Variants in CCDC102B observed in about 807,000 individuals in gnomAD.
CCDC102B encodes the protein coiled-coil domain-containing protein 102B.
Under a neutral mutation model 57.4 loss-of-function variants are expected in CCDC102B, and 75 were observed. That is an observed-to-expected ratio of 1.31 (90% CI 1.08 to 1.58). The LOEUF is 1.58. Ranked by LOEUF, CCDC102B falls within the 40% of genes most tolerant of loss-of-function variation. CCDC102B has a pLI of 0.00. For missense variants in CCDC102B, 636 were observed against 582.6 expected, an observed-to-expected ratio of 1.09 and a Z score of -0.94; for synonymous variants, 206 against 201.9, an observed-to-expected ratio of 1.02 and a Z score of -0.17.
At chr18:68,944,872 C>T (rs978684484) in intron 6 of CCDC102B, among the ~76,000 whole-genome samples, 24 of 152,034 alleles carry the variant, frequency 1.6e-4, no homozygotes, top group African/African-American at 5.8e-4. Context: ...TAAAATAGAA[C>T]AACATTCTTG....
chr18:68,735,182 A>G (rs1039313152), intron 2 of CCDC102B, among the ~76,000 whole-genome samples: 6 of 151,540 alleles, frequency 4.0e-5, no homozygotes, highest in Admixed American at 3.3e-4. Flanking sequence ...CTCCTGAGTA[A>G]CTGAGACTAC....
chr18:68,848,871 A>C (rs2037992812), intron 4 of CCDC102B, among the ~76,000 whole-genome samples: 1 of 152,114 alleles, frequency 6.6e-6, no homozygotes. Flanking sequence ...TCTTTGCCAC[A>C]TGTGAGAATA....
chr18:68,983,738 T>G (rs2050654342), intron 6 of CCDC102B, among the ~76,000 whole-genome samples: 3 of 152,102 alleles, frequency 2.0e-5, no homozygotes, highest in Admixed American at 2.0e-4. Flanking sequence ...TCACTGTATT[T>G]TTTAGCTTTG....
intron 1 of CCDC102B, among the ~76,000 whole-genome samples, chr18:68,821,691 G>A (rs914584016): frequency 1.3e-5 from 2 of 151,244 alleles, no homozygotes; most frequent in Non-Finnish European, 2.9e-5. Context: ...ATAAATATAT[G>A]TGTGTATATA....
chr18:69,033,408 C>CA (rs998120776), intron 7 of CCDC102B, among the ~76,000 whole-genome samples: 13 of 152,096 alleles, frequency 8.5e-5, no homozygotes, highest in African/African-American at 2.9e-4. Flanking sequence ...GTCATCATCT[C>CA]AAAAAGGAAA....
chr18:68,975,491 C>G (rs1489180304), intron 6 of CCDC102B, among the ~76,000 whole-genome samples: 1 of 151,910 alleles, frequency 6.6e-6, no homozygotes, highest in African/African-American at 2.4e-5. Context: ...AATCATGTCT[C>G]CAATGATTGT....
At chr18:68,944,403 C>T (rs766773502) in intron 6 of CCDC102B, among the ~76,000 whole-genome samples, 13 of 150,564 alleles carry the variant, frequency 8.6e-5, no homozygotes, top group Non-Finnish European at 1.6e-4. Context: ...ATATTTCTCA[C>T]GTTTCCAGAG....
intron 4 of CCDC102B, among the ~76,000 whole-genome samples, chr18:68,854,739 G>A (rs1168453707): frequency 6.6e-6 from 1 of 152,100 alleles, no homozygotes; most frequent in Non-Finnish European, 1.5e-5. Flanking sequence ...CTGACTCTTA[G>A]TAAGAAGTGA....
chr18:68,841,498 G>A (rs2144801353), intron 3 of CCDC102B, among the ~76,000 whole-genome samples: 1 of 152,262 alleles, frequency 6.6e-6, no homozygotes, highest in South Asian at 2.1e-4. Flanking sequence ...GTAAGGCCAG[G>A]AAAGCTGATC....
chr18:68,729,857 T>C (rs549562591), intron 2 of CCDC102B, among the ~76,000 whole-genome samples: 18 of 152,302 alleles, frequency 1.2e-4, no homozygotes, highest in Middle Eastern at 3.4e-3. Flanking sequence ...GGAATTGTTA[T>C]GTGCAACTAA....
At chr18:68,912,326 CA>C (rs1192119145) in intron 6 of CCDC102B, among the ~76,000 whole-genome samples, 13 of 152,278 alleles carry the variant, frequency 8.5e-5, no homozygotes, top group African/African-American at 3.1e-4. Flanking sequence ...TAAAGAAAAA[CA>C]TACATTAAAA....
chr18:68,986,536 T>C (rs572366351), intron 6 of CCDC102B, among the ~76,000 whole-genome samples: 27 of 152,048 alleles, frequency 1.8e-4, no homozygotes, highest in Non-Finnish European at 3.2e-4. Context: ...GCCAACACCA[T>C]ACTGAATGGG....
intron 7 of CCDC102B, among the ~76,000 whole-genome samples, chr18:69,033,353 T>C (rs1369806150): frequency 6.6e-6 from 1 of 152,164 alleles, no homozygotes; most frequent in Non-Finnish European, 1.5e-5. Flanking sequence ...ATTAGTATCA[T>C]CATCATGTTG....
At chr18:68,768,815 A>T (rs1341770678) in intron 2 of CCDC102B, among the ~76,000 whole-genome samples, 1 of 152,094 alleles carries the variant, frequency 6.6e-6, no homozygotes, top group Non-Finnish European at 1.5e-5. Flanking sequence ...TATAGTGTTT[A>T]CTCTGTCAAG....
intron 2 of CCDC102B, among the ~76,000 whole-genome samples, chr18:68,838,193 C>T (rs551764452): frequency 6.6e-6 from 1 of 152,182 alleles, no homozygotes; most frequent in African/African-American, 2.4e-5. Context: ...ATTAAAGCGC[C>T]CCATTAAATT....
chr18:68,925,367 C>G (rs1374519141), intron 6 of CCDC102B, among the ~76,000 whole-genome samples: 1 of 151,858 alleles, frequency 6.6e-6, no homozygotes, highest in Non-Finnish European at 1.5e-5. Context: ...CCAGGTGATT[C>G]AAATATACAG....
intron 7 of CCDC102B, among the ~76,000 whole-genome samples, chr18:69,030,724 G>A (rs113677502): frequency 0.018 from 2,686 of 152,112 alleles, 84 homozygotes; most frequent in African/African-American, 0.061. Flanking sequence ...GCGTGATCTC[G>A]GCTCACTGCA....
intron 6 of CCDC102B, among the ~76,000 whole-genome samples, chr18:68,898,151 A>T (rs554342624): frequency 6.6e-6 from 1 of 151,970 alleles, no homozygotes; most frequent in Admixed American, 6.6e-5. Flanking sequence ...TGTAAATTAT[A>T]TTTACCTTGT....
At chr18:69,056,821 T>C (rs555447137), downstream of CCDC102B, among the ~76,000 whole-genome samples, 1 of 152,086 alleles carries the variant, frequency 6.6e-6, no homozygotes, top group African/African-American at 2.4e-5. Flanking sequence ...GTCAGTAGTG[T>C]TAAGTATAGC....
Sources: allele counts gnomAD v4.1 joint callset (sites outside exome capture counted in the v4.1 genomes callset), GRCh38; gene constraint gnomAD v4.1.1; transcripts MANE v1.5; gene names NCBI Gene and HGNC (gene_info 2026-07-23, HGNC 2026-07-21).